DOCK9: variants seen among roughly 807,000 people sequenced by gnomAD.
The protein encoded by DOCK9 is dedicator of cytokinesis 9, also known as dedicator of cytokinesis protein 9.
Under a neutral mutation model 263.3 loss-of-function variants are expected in DOCK9, and 89 were observed. The observed-to-expected ratio is 0.34, with a 90% CI of 0.28 to 0.40. The LOEUF (loss-of-function observed/expected upper bound fraction) is 0.40, where lower values mean the gene tolerates loss of function less well. DOCK9 is among the 10% of genes least tolerant of loss of function. The pLI is 1.00. For synonymous variants in DOCK9, 976 were observed against 973.1 expected, an observed-to-expected ratio of 1.00 and a Z score of -0.06; for missense variants, 2,140 against 2,603.4, an observed-to-expected ratio of 0.82 and a Z score of 3.87.
At chr13:98,821,179 C>G (rs2092251670) in intron 45 of DOCK9, among the ~76,000 whole-genome samples, 1 of 152,174 alleles carries the variant, frequency 6.6e-6, no homozygotes, top group Admixed American at 6.5e-5. Flanking sequence ...GAGAAGCAGA[C>G]ACTGCAGGAC....
intron 45 of DOCK9, among the ~76,000 whole-genome samples, chr13:98,820,006 T>G (rs1202736698): frequency 1.3e-5 from 2 of 152,232 alleles, no homozygotes; most frequent in Admixed American, 1.3e-4. Flanking sequence ...TTTTGTGTGC[T>G]AGATACAGTC....
At chr13:99,021,129 GT>G (rs2142005241) in intron 1 of DOCK9, among the ~76,000 whole-genome samples, 2 of 152,298 alleles carry the variant, frequency 1.3e-5, no homozygotes, top group East Asian at 3.9e-4. Flanking sequence ...TGTAATTAGA[GT>G]ATCTGGCACA....
In DOCK9 at chr13:98,888,557, T is replaced by C. The variant is rs1273297280; in HGVS notation, c.1790-10A>G. On this transcript the variant is annotated splice_polypyrimidine_tract_variant and intron_variant, in intron 16 of 52. Transcript: ENST00000682017. Reference sequence around the variant, plus strand: ...GATGAATTAACATAATCTGCAAAGATATTCAAAATAACTCAAACTGAAGTA... The same window carrying C: ...GATGAATTAACATAATCTGCAAAGACATTCAAAATAACTCAAACTGAAGTA... 1.9e-6 allele frequency: 3 copies of C among 1,613,350 alleles called. No homozygotes were observed. The Admixed American group carries it at 5.0e-5, about 27-fold the overall frequency.
upstream of DOCK9, among the ~76,000 whole-genome samples, chr13:99,086,776 G>C (rs986953723): frequency 8.1e-5 from 12 of 148,256 alleles, no homozygotes; most frequent in Admixed American, 4.7e-4. Context: ...CAGGCAGGTC[G>C]GCGCGGCCCG....
At chr13:98,834,186 T>C (rs1457047983) in intron 39 of DOCK9, among the ~76,000 whole-genome samples, 1 of 152,214 alleles carries the variant, frequency 6.6e-6, no homozygotes, top group Non-Finnish European at 1.5e-5. Flanking sequence ...AGAAAATGAA[T>C]GCTCAGTATC....
At position 98,920,954 on chromosome 13, in the gene DOCK9, C is replaced by G; in HGVS notation, c.717G>C (p.Gln239His). 1 of 1,596,410 alleles carries G rather than the reference C, an allele frequency of 6.3e-7. No individual in the cohort carries two copies. The highest frequency in any genetic ancestry group is 8.5e-7 in the Non-Finnish European group (1 of 1,172,382). ...ATGGTAAAACTCTTTTCATATTTACCTGAACGACACCCATACAGGAATCCA... is the reference window on the plus strand; with the variant it reads ...ATGGTAAAACTCTTTTCATATTTACGTGAACGACACCCATACAGGAATCCA... ...IFLDSCMGVV[Q>H]NNKVRRFAFE... The change falls in exon 7 of 53, where the codon CAG (glutamine) becomes CAC (histidine). Residue 239 changes from glutamine (Q) to histidine (H), a missense_variant and splice_region_variant. Physicochemically the swap from Gln to His is conservative, Grantham distance 24. Coordinates refer to ENST00000682017, the MANE Select transcript of DOCK9 (RefSeq NM_001366683.2).
At chr13:98,966,938 A>C (rs1737690777) in intron 1 of DOCK9, among the ~76,000 whole-genome samples, 1 of 152,216 alleles carries the variant, frequency 6.6e-6, no homozygotes, top group African/African-American at 2.4e-5. Context: ...TTAGAAATAC[A>C]CATTCACCCC....
At chr13:98,883,940 T>A in intron 21 of DOCK9, 41 bp from the exon 22 acceptor site, 1 of 1,442,822 alleles carries the variant, frequency 6.9e-7, no homozygotes, top group Non-Finnish European at 9.6e-7. Context: ...TACAGATTAG[T>A]TATTTTGGCT....
rs71114578 is a variant in DOCK9 at position 99,071,306 on chromosome 13, C to CTTTTTTTTTTTTTTTTTTTTTTTTTTT, written c.129+14916_129+14917insAAAAAAAAAAAAAAAAAAAAAAAAAAA. Among the ~76,000 whole-genome samples, 5 of 49,328 alleles carry CTTTTTTTTTTTTTTTTTTTTTTTTTTT rather than the reference C, an allele frequency of 1.0e-4. 2 individuals are homozygous for CTTTTTTTTTTTTTTTTTTTTTTTTTTT. Among genetic ancestry groups the CTTTTTTTTTTTTTTTTTTTTTTTTTTT allele is most frequent in the African/African-American group, 4.4e-4 (4 of 9,182 alleles). 32.4% of individuals were successfully genotyped at this position (49,328 alleles called of 152,430 possible). On this transcript the variant is annotated intron_variant, in intron 1 of 32. Coordinates refer to the DOCK9 transcript ENST00000427887. ...TACAGGTGCTTGCCACCATGCCTGGCTTTTTTTTTTTTTTTTTTTTTTTTT... is the reference window on the plus strand; with the variant it reads ...TACAGGTGCTTGCCACCATGCCTGGCTTTTTTTTTTTTTTTTTTTTTTTTTTTTTTTTTTTTTTTTTTTTTTTTTTTT...
chr13:98,860,706 G>A (rs1390466470), intron 32 of DOCK9, among the ~76,000 whole-genome samples, 184 bp from the exon 33 acceptor site: 1 of 148,590 alleles, frequency 6.7e-6, no homozygotes, highest in East Asian at 2.0e-4. Context: ...CAGAGGGGGA[G>A]CAGGGGGCAT....
chr13:98,806,846 T>C (rs890672621), intron 48 of DOCK9, among the ~76,000 whole-genome samples: 6 of 151,788 alleles, frequency 4.0e-5, no homozygotes, highest in African/African-American at 1.2e-4. Flanking sequence ...GAGGCAGAGA[T>C]TGCAGTGAGC....
rs531723103 is a variant in DOCK9 at position 98,813,359 on chromosome 13, G to C, written c.5131-3068C>G. Reference sequence around the variant, plus strand: ...TGATGGTAGCTATAGGTTTTCTGTAGACAGTCTTTTTGTTTTCAGGTTAAG... The same window carrying C: ...TGATGGTAGCTATAGGTTTTCTGTACACAGTCTTTTTGTTTTCAGGTTAAG... On this transcript the variant is annotated intron_variant, in intron 45 of 52. Transcript: ENST00000682017. Among the ~76,000 whole-genome samples, 275 of 152,226 alleles carry C rather than the reference G, an allele frequency of 1.8e-3. 2 individuals are homozygous for C. The highest frequency in any genetic ancestry group is 6.5e-3 in the African/African-American group (268 of 41,546).
intron 1 of DOCK9, among the ~76,000 whole-genome samples, chr13:98,966,214 G>C (rs974420020): frequency 2.6e-5 from 4 of 152,212 alleles, no homozygotes; most frequent in African/African-American, 9.7e-5. Context: ...GAGAGAGCTA[G>C]GTGGAACGGG....
chr13:99,054,191 C>T (rs2040822441), intron 1 of DOCK9, among the ~76,000 whole-genome samples: 1 of 152,160 alleles, frequency 6.6e-6, no homozygotes, highest in Non-Finnish European at 1.5e-5. Context: ...AACCCAATGG[C>T]TGCAAAATTA....
At chr13:99,086,419 T>TGCGCCCTCG (rs2042344801) in exon 1 of DOCK9, 1 of 926,472 alleles carries the variant, frequency 1.1e-6, no homozygotes, top group Non-Finnish European at 1.3e-6. Context: ...GGCCGCCAGG[T>TGCGCCCTCG]GCGCCCTCGG....
chr13:98,974,748 C>CAAAA (rs57196019), intron 1 of DOCK9, among the ~76,000 whole-genome samples: 377 of 33,158 alleles, frequency 0.011, 54 homozygotes, highest in East Asian at 0.044. Context: ...AACTCTGTCT[C>CAAAA]AAAAAAAAAA....
chr13:98,917,383 A>C (rs1420618575), intron 7 of DOCK9, among the ~76,000 whole-genome samples: 2 of 152,228 alleles, frequency 1.3e-5, no homozygotes, highest in Non-Finnish European at 2.9e-5. Flanking sequence ...TAAAACTCCT[A>C]CTTGGGAATC....
At chr13:99,034,849 A>T (rs1388130268) in intron 1 of DOCK9, among the ~76,000 whole-genome samples, 1 of 152,234 alleles carries the variant, frequency 6.6e-6, no homozygotes, top group Non-Finnish European at 1.5e-5. Flanking sequence ...GTAAAGGTGG[A>T]TGCCAGGAGT....
intron 45 of DOCK9, among the ~76,000 whole-genome samples, chr13:98,814,722 T>C (rs2140360187): frequency 6.6e-6 from 1 of 152,156 alleles, no homozygotes; most frequent in East Asian, 1.9e-4. Flanking sequence ...GTGGATTGCT[T>C]GAGCTCAGGG....
Sources: allele counts gnomAD v4.1 joint callset (sites outside exome capture counted in the v4.1 genomes callset), GRCh38; gene constraint gnomAD v4.1.1; transcripts MANE v1.5; gene names NCBI Gene and HGNC (gene_info 2026-07-23, HGNC 2026-07-21).